Variants in DPP6 observed in about 807,000 individuals in gnomAD.
DPP6 encodes A-type potassium channel modulatory protein DPP6.
In DPP6, 69 loss-of-function variants were observed where a neutral mutation model predicts 122.6. The ratio of observed to expected loss-of-function variants is 0.56; its 90% CI spans 0.46 to 0.69. The LOEUF is 0.69. Ranked by LOEUF, DPP6 falls within the 30% of genes least tolerant of loss-of-function variation. The probability of loss-of-function intolerance (pLI) is 0.00; values close to 1 mark genes in which losing one functional copy is unlikely to be tolerated. For synonymous variants in DPP6, 418 were observed against 433.1 expected (o/e 0.97, Z 0.43); for missense variants, 928 against 1,116.9 (o/e 0.83, Z 2.41).
At chr7:154,305,421 G>T in intron 1 of DPP6, 1 of 1,246,506 alleles carries the variant, frequency 8.0e-7, no homozygotes, top group Non-Finnish European at 1.0e-6. Flanking sequence ...TTACCTTACC[G>T]CTTGGACTCT....
At chr7:153,806,012 A>G in the DPP6 span, among the ~76,000 whole-genome samples, 3 of 151,758 alleles carry the variant, frequency 2.0e-5, no homozygotes, top group African/African-American at 7.3e-5. Context: ...AAAAAAAAAT[A>G]CATATATATA....
chr7:154,879,890 A>C (rs1272525561), intron 20 of DPP6, among the ~76,000 whole-genome samples: 1 of 152,250 alleles, frequency 6.6e-6, no homozygotes, highest in Non-Finnish European at 1.5e-5. Flanking sequence ...ACTGGAACTG[A>C]GGCCTCCGCC....
chr7:154,247,587 AG>A (rs140243841), intron 1 of DPP6, among the ~76,000 whole-genome samples: 5,180 of 152,236 alleles, frequency 0.034, 233 homozygotes, highest in African/African-American at 0.098. Context: ...ATAATCAAAA[AG>A]GTTGACAGCA....
At chr7:154,006,676 A>C (rs1381551077) in intron 1 of DPP6, among the ~76,000 whole-genome samples, 4 of 152,196 alleles carry the variant, frequency 2.6e-5, no homozygotes, top group African/African-American at 9.6e-5. Flanking sequence ...TCTCCTCACC[A>C]GAAAACCGAG....
chr7:154,102,172 C>A (rs1805779392), intron 1 of DPP6, among the ~76,000 whole-genome samples: 1 of 151,596 alleles, frequency 6.6e-6, no homozygotes. Context: ...CTCCATAAAG[C>A]CCCTCCTTAG....
chr7:154,786,276 G>A (rs7800843), intron 10 of DPP6, among the ~76,000 whole-genome samples: 3 of 152,088 alleles, frequency 2.0e-5, no homozygotes, highest in Admixed American at 1.3e-4. Flanking sequence ...CTCTTTATTC[G>A]TCAAAGCTAG....
chr7:154,230,404 C>A (rs532023234), intron 1 of DPP6, among the ~76,000 whole-genome samples: 1 of 152,316 alleles, frequency 6.6e-6, no homozygotes, highest in South Asian at 2.1e-4. Flanking sequence ...TGCCTTCTTT[C>A]CCCCTGTTGC....
intron 1 of DPP6, among the ~76,000 whole-genome samples, chr7:154,404,159 T>C (rs772464693): frequency 4.6e-5 from 7 of 152,144 alleles, no homozygotes; most frequent in Non-Finnish European, 8.8e-5. Flanking sequence ...GGACTCCAGA[T>C]AGAAACAGAA....
chr7:154,807,577 T>A (rs1431589747), intron 16 of DPP6, among the ~76,000 whole-genome samples: 3 of 152,124 alleles, frequency 2.0e-5, no homozygotes, highest in African/African-American at 7.2e-5. Flanking sequence ...TCCCAGCGCT[T>A]TGGGAGGCCA....
chr7:154,198,150 G>A (rs1420517845), intron 1 of DPP6, among the ~76,000 whole-genome samples: 2 of 152,080 alleles, frequency 1.3e-5, no homozygotes, highest in East Asian at 1.9e-4. Flanking sequence ...TGCTTGATGT[G>A]TAGATAGTGC....
At chr7:154,036,017 CGCTTGTGTGTGTGT>C (rs1563120537) in intron 1 of DPP6, among the ~76,000 whole-genome samples, 1 of 104,524 alleles carries the variant, frequency 9.6e-6, no homozygotes, top group African/African-American at 4.5e-5. Context: ...TACGCGCGCG[CGCTTGTGTGTGTGT>C]GTGTGTGTGT....
intron 2 of DPP6, among the ~76,000 whole-genome samples, chr7:154,470,080 A>G (rs565214232): frequency 6.6e-6 from 1 of 152,318 alleles, no homozygotes; most frequent in South Asian, 2.1e-4. Context: ...ATAACATACA[A>G]ATTGTTCTAA....
intron 16 of DPP6, among the ~76,000 whole-genome samples, chr7:154,813,806 C>G (rs181234010): frequency 6.6e-6 from 1 of 151,952 alleles, no homozygotes; most frequent in East Asian, 1.9e-4. Context: ...TTCTCAATGA[C>G]CCTGTGAAAT....
At chr7:153,885,491 A>C (rs1798877481), upstream of DPP6, among the ~76,000 whole-genome samples, 1 of 152,124 alleles carries the variant, frequency 6.6e-6, no homozygotes, top group South Asian at 2.1e-4. Flanking sequence ...ACACCATGTG[A>C]TGCACACTGA....
chr7:153,758,391 T>A, the DPP6 span, among the ~76,000 whole-genome samples: 1 of 152,302 alleles, frequency 6.6e-6, no homozygotes, highest in East Asian at 1.9e-4. Flanking sequence ...ATATTTAGAA[T>A]GTACGGTTTA....
At chr7:154,185,235 A>T (rs894696333) in intron 1 of DPP6, among the ~76,000 whole-genome samples, 1 of 152,236 alleles carries the variant, frequency 6.6e-6, no homozygotes, top group African/African-American at 2.4e-5. Context: ...ATCAGCACCA[A>T]GCTAGCCTAA....
At chr7:154,448,226 G>T (rs1820053821) in intron 2 of DPP6, among the ~76,000 whole-genome samples, 1 of 152,094 alleles carries the variant, frequency 6.6e-6, no homozygotes. Context: ...AATGAGTTCA[G>T]CAGGAAGGAA....
At chr7:153,918,629 A>G (rs1292858340) in intron 1 of DPP6, among the ~76,000 whole-genome samples, 1 of 124,320 alleles carries the variant, frequency 8.0e-6, no homozygotes, top group African/African-American at 3.1e-5. Context: ...TGTCTCTCTC[A>G]CTACTGGTGA....
intron 1 of DPP6, among the ~76,000 whole-genome samples, chr7:154,109,225 A>G (rs532526729): frequency 5.2e-5 from 8 of 152,394 alleles, no homozygotes; most frequent in African/African-American, 1.9e-4. Flanking sequence ...ACAATTTTCA[A>G]AATTTTAATG....
Sources: allele counts gnomAD v4.1 joint callset (sites outside exome capture counted in the v4.1 genomes callset), GRCh38; gene constraint gnomAD v4.1.1; transcripts MANE v1.5; gene names NCBI Gene and HGNC (gene_info 2026-07-23, HGNC 2026-07-21).